The following ZNF516 variants were observed in gnomAD, a reference collection of about 807,000 sequenced individuals.
The protein encoded by ZNF516 is zinc finger protein 516.
A neutral mutation model predicts 79.7 loss-of-function variants in ZNF516; 19 were observed. The ratio of observed to expected loss-of-function variants is 0.24; its 90% CI spans 0.17 to 0.35. ZNF516 has a LOEUF of 0.35. Among genes scored for constraint, ZNF516 ranks in the 10% least tolerant of loss-of-function variants. The pLI is 1.00. For missense variants in ZNF516, 1,678 were observed against 1,679.5 expected, an observed-to-expected ratio of 1.00 and a Z score of 0.02; for synonymous variants, 877 against 739.5, an observed-to-expected ratio of 1.19 and a Z score of -3.02.
intron 3 of ZNF516, among the ~76,000 whole-genome samples, chr18:76,423,827 C>A (rs1375178697): frequency 3.5e-5 from 5 of 144,732 alleles, no homozygotes; most frequent in Non-Finnish European, 7.5e-5. Context: ...AAGGTTCCCC[C>A]ATGAAACACA....
At chr18:76,420,636 G>C (rs2075494192) in intron 3 of ZNF516, among the ~76,000 whole-genome samples, 1 of 152,010 alleles carries the variant, frequency 6.6e-6, no homozygotes, top group Admixed American at 6.6e-5. Flanking sequence ...GCAGGTAAAA[G>C]CAATTCCTGT....
chr18:76,496,419 C>T, upstream of ZNF516: 2 of 1,289,624 alleles, frequency 1.6e-6, no homozygotes, highest in South Asian at 1.2e-5. Context: ...TCTCTCTCTG[C>T]GCCTCACACT....
At chr18:76,475,483 T>G (rs56320718) in intron 1 of ZNF516, among the ~76,000 whole-genome samples, 37,363 of 152,142 alleles carry the variant, frequency 0.25, 5,750 homozygotes, top group African/African-American at 0.43. Flanking sequence ...AAATTCCACC[T>G]CGGGGAACTT....
chr18:76,404,583 G>C (rs1490596449), intron 3 of ZNF516, among the ~76,000 whole-genome samples: 1 of 152,072 alleles, frequency 6.6e-6, no homozygotes, highest in Non-Finnish European at 1.5e-5. Context: ...AGTATGTAAT[G>C]AGTAAGCATG....
At chr18:76,466,644 G>A (rs761123180) in intron 1 of ZNF516, among the ~76,000 whole-genome samples, 1 of 152,250 alleles carries the variant, frequency 6.6e-6, no homozygotes, top group African/African-American at 2.4e-5. Flanking sequence ...TCTAGACAGC[G>A]TGGCACACAG....
Position 76,443,002 on chromosome 18 carries a change from G to A in ZNF516, c.53C>T (p.Thr18Ile). ...EMELRRGPSP[T>I]RAGRGHEVDG... Reference sequence around the variant, plus strand: ...CACCTCGTGGCCCCGGCCGGCCCTGGTGGGGCTGGGGCCTCGCCTCAGCTC... The same window carrying A: ...CACCTCGTGGCCCCGGCCGGCCCTGATGGGGCTGGGGCCTCGCCTCAGCTC... The change falls in exon 3 of 7, where the codon ACC becomes ATC. Residue 18 changes from threonine (T) to isoleucine (I), a missense_variant. Thr to Ile is a moderately conservative substitution (Grantham distance 89). Around this residue, in one of 5 missense-constraint regions of ZNF516, gnomAD observed 62 missense variants for 58.9 expected, o/e 1.05. Coordinates refer to ENST00000443185, the MANE Select transcript of ZNF516 (RefSeq NM_014643.4). 4 of 1,601,686 alleles carry A rather than the reference G, an allele frequency of 2.5e-6. No individual in the cohort carries two copies. The highest frequency in any genetic ancestry group is 3.4e-6 in the Non-Finnish European group (4 of 1,178,848).
chr18:76,371,626 T>G (rs1599136010), intron 4 of ZNF516, 55 bp from the exon 5 acceptor site: 1 of 1,482,638 alleles, frequency 6.7e-7, no homozygotes, highest in Non-Finnish European at 9.3e-7. Flanking sequence ...GGCGTGGAGG[T>G]GAGGAGGCAG....
chr18:76,444,119 A>C (rs1911898272), intron 2 of ZNF516, among the ~76,000 whole-genome samples: 1 of 152,248 alleles, frequency 6.6e-6, no homozygotes, highest in Non-Finnish European at 1.5e-5. Flanking sequence ...GCAACTCTTC[A>C]GTAAAAACAG....
chr18:76,400,350 G>C (rs1354528716), intron 3 of ZNF516, among the ~76,000 whole-genome samples: 2 of 152,236 alleles, frequency 1.3e-5, no homozygotes, highest in African/African-American at 4.8e-5. Context: ...GTACTGTGAT[G>C]TGTGTCTTCT....
rs1225102614 is a variant in ZNF516 at position 76,441,692 on chromosome 18, C to T, written c.1363G>A (p.Glu455Lys). The T allele has an allele frequency of 6.4e-7, 1 of 1,564,636 alleles. No individual in the cohort carries two copies. The highest frequency in any genetic ancestry group is 2.4e-5 in the East Asian group (1 of 41,984). The change falls in exon 3 of 7, where the codon GAG (glutamate) becomes AAG (lysine). Residue 455 changes from glutamate to lysine, a missense_variant. Glu to Lys is a moderately conservative substitution (Grantham distance 56). This residue lies in a region of ZNF516 where 1,294 missense variants were observed against 1,248.3 expected (regional missense o/e 1.04). Transcript: ENST00000443185. ...GDVAFDKDRR[E>K]YVLVSQEKRK... Reference sequence around the variant, plus strand: ...TTCTCCTGGCTCACCAGGACGTACTCGCGCCTGTCCTTGTCGAAGGCCACG... The same window carrying T: ...TTCTCCTGGCTCACCAGGACGTACTTGCGCCTGTCCTTGTCGAAGGCCACG...
chr18:76,445,248 C>T (rs969109612), intron 2 of ZNF516, among the ~76,000 whole-genome samples: 4 of 124,036 alleles, frequency 3.2e-5, no homozygotes, highest in Non-Finnish European at 7.0e-5. Flanking sequence ...CAGAGCAAGA[C>T]TCCATCTCCA....
rs2145553577 is a variant in ZNF516 at position 76,442,391 on chromosome 18, C to T, written c.664G>A (p.Asp222Asn). The T allele has an allele frequency of 2.5e-6, 4 of 1,608,558 alleles. No individual in the cohort carries two copies. Among genetic ancestry groups the T allele is most frequent in the Non-Finnish European group, 3.4e-6 (4 of 1,179,620 alleles). Residue 222 changes from aspartate (D) to asparagine (N), a missense_variant, in exon 3 of 7, where the codon GAC (aspartate) becomes AAC (asparagine). Around this residue, in one of 5 missense-constraint regions of ZNF516, gnomAD observed 279 missense variants for 254.1 expected, o/e 1.10. Coordinates refer to ENST00000443185, the MANE Select transcript of ZNF516 (RefSeq NM_014643.4). ...CCGGGCCCCTGCGCGGTGATGTGGT[C>T]CCTCTCGATGTGGCTCAGCAGCGAC... ...EESLLSHIERDHITAQGPGSG... is the reference protein window; with the variant it reads ...EESLLSHIERNHITAQGPGSG...
At chr18:76,490,842 G>C (rs561955525) in intron 1 of ZNF516, 1 of 985,350 alleles carries the variant, frequency 1.0e-6, no homozygotes, top group Non-Finnish European at 1.2e-6. Flanking sequence ...TGTTACGCAG[G>C]GGACACCCCT....
At chr18:76,478,163 G>A (rs1290559274) in intron 1 of ZNF516, among the ~76,000 whole-genome samples, 1 of 152,142 alleles carries the variant, frequency 6.6e-6, no homozygotes, top group Non-Finnish European at 1.5e-5. Context: ...ATGAGAGAGT[G>A]ACAGATTCAT....
intron 2 of ZNF516, among the ~76,000 whole-genome samples, chr18:76,448,465 C>T (rs777418267): frequency 2.0e-5 from 3 of 152,148 alleles, no homozygotes; most frequent in South Asian, 2.1e-4. Context: ...AAACACTTCC[C>T]GGTGTGAAGA....
intron 1 of ZNF516, among the ~76,000 whole-genome samples, chr18:76,472,427 G>A (rs1324277904): frequency 1.3e-5 from 2 of 152,174 alleles, no homozygotes; most frequent in Non-Finnish European, 2.9e-5. Context: ...CTATACACAG[G>A]CGCACTTACA....
rs1451214706 is a variant in ZNF516, at chr18:76,493,761, G to A, written c.-272+1383C>T. On this transcript the variant is annotated intron_variant, in intron 1 of 6. Coordinates refer to ENST00000443185, the MANE Select transcript of ZNF516 (RefSeq NM_014643.4). The surrounding 1 kb of genome is among the most constrained non-coding windows in gnomAD (Gnocchi z 5.2). ...AAATCTTTTCCACTTTATAAATGCT[G>A]ATCTGTTCTGCCTCTACTCCCACAG... 1.3e-5 allele frequency: 2 copies of A among 152,166 alleles called. No homozygotes were observed. Among genetic ancestry groups the A allele is most frequent in the African/African-American group, 2.4e-5 (1 of 41,420 alleles). The allele number at this position is 152,166 out of a possible 1,614,324, so 9.4% of individuals were successfully genotyped here.
intron 3 of ZNF516, among the ~76,000 whole-genome samples, chr18:76,440,162 T>C (rs2145521539): frequency 6.6e-6 from 1 of 152,370 alleles, no homozygotes; most frequent in Non-Finnish European, 1.5e-5. Context: ...TACATCTTTG[T>C]TGACTCAATA....
At chr18:76,366,958 A>G (rs948221105) in intron 6 of ZNF516, among the ~76,000 whole-genome samples, 4 of 152,220 alleles carry the variant, frequency 2.6e-5, no homozygotes, top group Non-Finnish European at 5.9e-5. Context: ...CTGACCTTCA[A>G]TGAATTTAAA....
Sources: allele counts gnomAD v4.1 joint callset (sites outside exome capture counted in the v4.1 genomes callset), GRCh38; gene constraint gnomAD v4.1.1; regional missense constraint gnomAD v4.1.1; non-coding constraint Gnocchi (gnomAD v3.1); transcripts MANE v1.5; gene names NCBI Gene and HGNC (gene_info 2026-07-23, HGNC 2026-07-21).